Variants in TAFA4 observed in about 807,000 individuals in gnomAD.
TAFA4 encodes chemokine-like protein TAFA-4.
A neutral mutation model predicts 21.1 loss-of-function variants in TAFA4; 20 were observed. That is an observed-to-expected ratio of 0.95 (90% CI 0.67 to 1.38). TAFA4 has a LOEUF of 1.38. TAFA4 is among the 40% of genes most tolerant of loss of function. TAFA4 has a pLI of 0.00. For synonymous variants in TAFA4, 71 were observed against 67.4 expected, an observed-to-expected ratio of 1.05 and a Z score of -0.26; for missense variants, 211 against 180.9, an observed-to-expected ratio of 1.17 and a Z score of -0.95.
At chr3:68,737,271 C>T (rs1702260071) in intron 5 of TAFA4, among the ~76,000 whole-genome samples, 1 of 151,984 alleles carries the variant, frequency 6.6e-6, no homozygotes, top group Non-Finnish European at 1.5e-5. Flanking sequence ...TGAAATGGGA[C>T]AAGGGAAAGA....
chr3:68,888,444 T>C (rs566564855), intron 1 of TAFA4, among the ~76,000 whole-genome samples: 1 of 152,242 alleles, frequency 6.6e-6, no homozygotes, highest in South Asian at 2.1e-4. Flanking sequence ...ATACAGTTTT[T>C]CAGCATTTAC....
intron 1 of TAFA4, among the ~76,000 whole-genome samples, chr3:68,928,121 G>A (rs2090126457): frequency 6.6e-6 from 1 of 152,054 alleles, no homozygotes; most frequent in South Asian, 2.1e-4. Flanking sequence ...TTAATGATTT[G>A]CTACTCTAAG....
At chr3:68,874,148 G>A (rs888175625) in intron 3 of TAFA4, among the ~76,000 whole-genome samples, 4 of 152,030 alleles carry the variant, frequency 2.6e-5, no homozygotes, top group African/African-American at 4.8e-5. Context: ...TAACCCTGTC[G>A]GACTTAGTTA....
chr3:68,872,904 T>G (rs563682779), intron 3 of TAFA4, among the ~76,000 whole-genome samples: 1 of 152,128 alleles, frequency 6.6e-6, no homozygotes, highest in Non-Finnish European at 1.5e-5. Flanking sequence ...CATTTTGACT[T>G]CATGTTAAAT....
At chr3:68,830,782 G>C (rs369752205) in intron 3 of TAFA4, among the ~76,000 whole-genome samples, 2 of 152,176 alleles carry the variant, frequency 1.3e-5, no homozygotes, top group East Asian at 3.8e-4. Context: ...AATATTGACA[G>C]TGAGGTGTTA....
At chr3:68,909,492 T>G (rs1023511157) in intron 1 of TAFA4, among the ~76,000 whole-genome samples, 1 of 152,046 alleles carries the variant, frequency 6.6e-6, no homozygotes, top group Admixed American at 6.5e-5. Flanking sequence ...ACCCATGAAA[T>G]AGGAAACTGT....
rs146291360 is a variant in TAFA4, at chr3:68,922,395, G to A, written c.-123+9845C>T. Among the ~76,000 whole-genome samples, 234 of 152,082 alleles carry A rather than the reference G, an allele frequency of 1.5e-3. 3 individuals are homozygous for A. The highest frequency in any genetic ancestry group is 0.011 in the Admixed American group (171 of 15,280). ...TCAAGAATACTGGAATTTGGGGACC[G>A]GTATACCAAACAAGATCGATCATGT... On this transcript the variant is annotated intron_variant, in intron 1 of 5. Coordinates refer to ENST00000295569, the MANE Select transcript of TAFA4 (RefSeq NM_182522.5).
intron 3 of TAFA4, among the ~76,000 whole-genome samples, chr3:68,761,997 G>A (rs941967218): frequency 2.0e-5 from 3 of 152,026 alleles, no homozygotes; most frequent in African/African-American, 7.3e-5. Context: ...AAATAGACAG[G>A]TAACTGAGAG....
intron 3 of TAFA4, among the ~76,000 whole-genome samples, chr3:68,755,674 A>G (rs1305071061): frequency 6.6e-6 from 1 of 152,218 alleles, no homozygotes; most frequent in Non-Finnish European, 1.5e-5. Flanking sequence ...CCAGGCCCTC[A>G]GATCACTCAC....
chr3:68,735,605 A>G (rs1364229638), intron 5 of TAFA4, among the ~76,000 whole-genome samples: 2 of 152,048 alleles, frequency 1.3e-5, no homozygotes, highest in African/African-American at 2.4e-5. Flanking sequence ...TATATTGACA[A>G]TGACCCATGG....
At chr3:68,771,841 G>T (rs1702964410) in intron 3 of TAFA4, among the ~76,000 whole-genome samples, 1 of 152,196 alleles carries the variant, frequency 6.6e-6, no homozygotes, top group South Asian at 2.1e-4. Context: ...AAAATTGTGT[G>T]TTACCAAACC....
chr3:68,738,236 C>CCCA (rs1702279079), intron 5 of TAFA4, among the ~76,000 whole-genome samples: 1 of 152,110 alleles, frequency 6.6e-6, no homozygotes, highest in Non-Finnish European at 1.5e-5. Context: ...GTAAGAGGGA[C>CCCA]TGACAAAAGG....
In TAFA4 at chr3:68,916,974, C is replaced by T. The variant is rs565943621; in HGVS notation, c.-123+15266G>A. Among the ~76,000 whole-genome samples the T allele has an allele frequency of 2.6e-5, 4 of 152,286 alleles. No individual in the cohort carries two copies. In the South Asian group the frequency reaches 8.3e-4, roughly 32 times the overall value. On this transcript the variant is annotated intron_variant, in intron 1 of 5. Coordinates refer to ENST00000295569, the MANE Select transcript of TAFA4 (RefSeq NM_182522.5). ...AAAACATAGTCCTGATTCTGTACAG[C>T]TTGTGTCTTACTAGAAATCAGGGTT...
At chr3:68,810,562 G>C (rs1703812590) in intron 3 of TAFA4, among the ~76,000 whole-genome samples, 1 of 152,204 alleles carries the variant, frequency 6.6e-6, no homozygotes, top group South Asian at 2.1e-4. Flanking sequence ...TGCCCACAGA[G>C]CCTCACTCAT....
At chr3:68,822,947 T>C (rs1383567405) in intron 3 of TAFA4, among the ~76,000 whole-genome samples, 2 of 152,184 alleles carry the variant, frequency 1.3e-5, no homozygotes, top group Non-Finnish European at 2.9e-5. Flanking sequence ...ATAAACTCAG[T>C]TGGGTTTAAA....
intron 1 of TAFA4, among the ~76,000 whole-genome samples, chr3:68,920,571 G>C (rs1009828952): frequency 1.3e-5 from 2 of 151,352 alleles, no homozygotes; most frequent in Non-Finnish European, 2.9e-5. Context: ...ACTCTTCATA[G>C]TATCTGAGAA....
chr3:68,868,706 A>G (rs747607609), intron 3 of TAFA4, among the ~76,000 whole-genome samples: 7 of 152,002 alleles, frequency 4.6e-5, no homozygotes, highest in Non-Finnish European at 8.8e-5. Context: ...ATGAAAATGT[A>G]AACAAACATC....
chr3:68,800,340 T>C (rs940603082), intron 3 of TAFA4, among the ~76,000 whole-genome samples: 3 of 152,106 alleles, frequency 2.0e-5, no homozygotes, highest in Non-Finnish European at 2.9e-5. Context: ...ATTTGTGTTG[T>C]TTTGAGCAAC....
intron 3 of TAFA4, among the ~76,000 whole-genome samples, chr3:68,814,277 C>T (rs1243784046): frequency 2.6e-5 from 4 of 152,180 alleles, no homozygotes; most frequent in African/African-American, 4.8e-5. Flanking sequence ...TGGCCTCTCT[C>T]ACCACTCCTG....
Sources: gnomAD v4.1 joint callset for allele counts (sites outside exome capture counted in the v4.1 genomes callset) on GRCh38, gnomAD v4.1.1 for gene constraint, MANE v1.5 for transcripts, NCBI Gene and HGNC (gene_info 2026-07-23, HGNC 2026-07-21) for gene names.